The following ENKUR variants were observed in gnomAD, a reference collection of about 807,000 sequenced individuals.
The protein encoded by ENKUR is enkurin.
ENKUR carries 19 observed loss-of-function variants against 27.6 expected under a neutral mutation model. The observed-to-expected ratio is 0.69, with a 90% CI of 0.48 to 1.01. The LOEUF (loss-of-function observed/expected upper bound fraction) is 1.01. Among genes scored for constraint, ENKUR ranks in the 50% least tolerant of loss-of-function variants. The pLI, the probability that ENKUR is intolerant of heterozygous loss-of-function variation, is 0.00. For synonymous variants in ENKUR, 117 were observed against 96.9 expected (o/e 1.21, Z -1.22); for missense variants, 312 against 310.5 (o/e 1.00, Z -0.04).
chr10:25,023,985 T>C, intron 2 of ENKUR: 1 of 1,614,210 alleles, frequency 6.2e-7, no homozygotes. Context: ...TTAGTGAAGC[T>C]GTAATTGAGG....
intron 2 of ENKUR, among the ~76,000 whole-genome samples, chr10:25,053,906 T>C (rs572651766): frequency 2.0e-5 from 3 of 152,288 alleles, no homozygotes; most frequent in Admixed American, 6.5e-5. Flanking sequence ...TTCACTAATA[T>C]GGTTGGAGCC....
intron 1 of ENKUR, among the ~76,000 whole-genome samples, chr10:25,012,903 TCCC>T: frequency 6.6e-6 from 1 of 152,252 alleles, no homozygotes; most frequent in African/African-American, 2.4e-5. Flanking sequence ...TTTGGCTGCA[TCCC>T]CACGCAAATC....
At chr10:25,056,803 C>T (rs1310592989) in intron 2 of ENKUR, among the ~76,000 whole-genome samples, 2 of 152,156 alleles carry the variant, frequency 1.3e-5, no homozygotes, top group African/African-American at 4.8e-5. Context: ...GCTATTTGTT[C>T]TGTTTATTAA....
chr10:25,054,517 T>TCTTTCTTTC (rs1564358727), intron 2 of ENKUR, among the ~76,000 whole-genome samples: 220 of 113,008 alleles, frequency 1.9e-3, no homozygotes, highest in Non-Finnish European at 2.9e-3. Flanking sequence ...TTCTTTCCTT[T>TCTTTCTTTC]CTTTCTTTCT....
intron 2 of ENKUR, among the ~76,000 whole-genome samples, chr10:24,999,109 A>G (rs968349039): frequency 3.9e-5 from 6 of 152,194 alleles, no homozygotes; most frequent in Admixed American, 3.9e-4. Context: ...GACTTTTCCT[A>G]TAATTGTTGT....
chr10:25,018,340 T>G (rs1850650363), upstream of ENKUR, among the ~76,000 whole-genome samples: 1 of 152,238 alleles, frequency 6.6e-6, no homozygotes, highest in South Asian at 2.1e-4. Flanking sequence ...GTCCACCGCA[T>G]GTCCACAGGG....
chr10:25,023,176 G>A, intron 2 of ENKUR: 1 of 1,554,528 alleles, frequency 6.4e-7, no homozygotes, highest in Non-Finnish European at 8.7e-7. Context: ...TTTTGAAAAG[G>A]GCTAAAGCCA....
upstream of ENKUR, among the ~76,000 whole-genome samples, chr10:25,020,580 A>G (rs1030987254): frequency 3.9e-5 from 6 of 152,074 alleles, no homozygotes; most frequent in African/African-American, 1.2e-4. Context: ...CAGTCTGGGC[A>G]ACATGGTGAA....
intron 2 of ENKUR, chr10:25,024,407 A>C: frequency 6.2e-7 from 1 of 1,613,966 alleles, no homozygotes; most frequent in Non-Finnish European, 8.5e-7. Context: ...CGTCTAAATA[A>C]GAATGATAAG....
intron 2 of ENKUR, among the ~76,000 whole-genome samples, chr10:25,056,323 T>G (rs1341085780): frequency 6.6e-6 from 1 of 152,284 alleles, no homozygotes. Context: ...CTCAGCTCAA[T>G]GGGAAGGTAA....
intron 2 of ENKUR, among the ~76,000 whole-genome samples, chr10:25,042,268 ATT>A (rs1371573202): frequency 1.4e-5 from 2 of 141,934 alleles, no homozygotes. Context: ...CTTTGGAAAG[ATT>A]TTTTTTTTTT....
At chr10:25,047,646 A>G in intron 2 of ENKUR, among the ~76,000 whole-genome samples, 1 of 152,202 alleles carries the variant, frequency 6.6e-6, no homozygotes, top group East Asian at 1.9e-4. Flanking sequence ...CTGTTCTAGA[A>G]CATTCTGGTT....
At chr10:25,044,442 G>A (rs540965509) in intron 2 of ENKUR, among the ~76,000 whole-genome samples, 9 of 152,240 alleles carry the variant, frequency 5.9e-5, no homozygotes, top group African/African-American at 1.9e-4. Flanking sequence ...GGTCACCCAG[G>A]CTGGAGTGCA....
At position 25,009,000 on chromosome 10, in the gene ENKUR, A is replaced by G. The variant is rs112138220; in HGVS notation, c.77+6860T>C. Among the ~76,000 whole-genome samples the G allele has an allele frequency of 7.2e-4, 109 of 151,692 alleles. 1 individual carries two copies. Among genetic ancestry groups the G allele is most frequent in the Middle Eastern group, 3.4e-3 (1 of 292 alleles). On this transcript the variant is annotated intron_variant, in intron 1 of 5. Transcript: ENST00000331161. The stretch of plus-strand genomic sequence containing the variant: ...AAACCATCATTCTCAGCAAACTATC[A>G]CAAGGACAAAAAACCAAACACCGCA...
intron 2 of ENKUR, among the ~76,000 whole-genome samples, chr10:24,998,761 A>G (rs1221720673): frequency 6.6e-6 from 1 of 152,154 alleles, no homozygotes; most frequent in Non-Finnish European, 1.5e-5. Context: ...GGGATCAAGT[A>G]TATAATTTTT....
intron 1 of ENKUR, among the ~76,000 whole-genome samples, chr10:25,004,368 G>A (rs1183527731): frequency 6.6e-6 from 1 of 152,106 alleles, no homozygotes; most frequent in Non-Finnish European, 1.5e-5. Context: ...CTTCCACAAT[G>A]GTTGAACTAA....
upstream of ENKUR, among the ~76,000 whole-genome samples, chr10:25,017,013 C>T (rs1850605552): frequency 1.3e-5 from 2 of 152,276 alleles, no homozygotes; most frequent in South Asian, 2.1e-4. Context: ...CCGCCTGCTG[C>T]GCTCGCCCTC....
At chr10:24,989,606 T>C (rs1588647787) in intron 4 of ENKUR, among the ~76,000 whole-genome samples, 2 of 152,372 alleles carry the variant, frequency 1.3e-5, no homozygotes, top group South Asian at 2.1e-4. Flanking sequence ...AAAAATCTTA[T>C]GCCTTTTAAA....
intron 1 of ENKUR, among the ~76,000 whole-genome samples, chr10:25,012,091 G>A (rs374708530): frequency 1.4e-4 from 21 of 152,370 alleles, no homozygotes; most frequent in East Asian, 5.8e-4. Flanking sequence ...CAGAGGGTGC[G>A]AGCCCCAAGC....
Sources: gnomAD v4.1 joint callset for allele counts (sites outside exome capture counted in the v4.1 genomes callset) on GRCh38, gnomAD v4.1.1 for gene constraint, MANE v1.5 for transcripts, NCBI Gene and HGNC (gene_info 2026-07-23, HGNC 2026-07-21) for gene names.